TRMT9B: variants seen among roughly 807,000 people sequenced by gnomAD.
TRMT9B encodes probable tRNA methyltransferase 9B.
Under a neutral mutation model 11.5 loss-of-function variants are expected in TRMT9B, and 16 were observed. The ratio of observed to expected loss-of-function variants is 1.39; its 90% CI spans 0.94 to 2.11. The LOEUF (loss-of-function observed/expected upper bound fraction) is 2.11. Ranked by LOEUF, TRMT9B falls within the 30% of genes most tolerant of loss-of-function variation. TRMT9B has a pLI of 0.00. For missense variants in TRMT9B, 941 were observed against 553.8 expected (o/e 1.70, Z -7.02); for synonymous variants, 274 against 192.4 (o/e 1.42, Z -3.51).
chr8:13,008,884 A>G (rs749093568), intron 3 of TRMT9B, among the ~76,000 whole-genome samples: 6 of 151,990 alleles, frequency 3.9e-5, no homozygotes, highest in South Asian at 2.1e-4. Flanking sequence ...GCCCGCCACC[A>G]CGCCCAGCTA....
chr8:13,006,554 A>G, intron 3 of TRMT9B, 198 bp downstream of exon 3: 1 of 1,426,598 alleles, frequency 7.0e-7, no homozygotes, highest in Non-Finnish European at 9.2e-7. Context: ...TTTTTGTTCT[A>G]ATAGGAATCC....
intron 1 of TRMT9B, among the ~76,000 whole-genome samples, chr8:12,962,363 C>A (rs1047892806): frequency 6.6e-6 from 1 of 152,154 alleles, no homozygotes; most frequent in Non-Finnish European, 1.5e-5. Context: ...AATTTATGAT[C>A]TCTTGTCTGA....
At position 13,023,524 on chromosome 8, in the gene TRMT9B, G is replaced by A. The variant is rs1323687521; in HGVS notation, c.*1480G>A. The A allele has an allele frequency of 6.0e-6, 1 of 166,892 alleles. No individual in the cohort carries two copies. The highest frequency in any genetic ancestry group is 2.4e-5 in the African/African-American group (1 of 41,356). The allele number at this position is 166,892 out of a possible 1,614,324, so 10.3% of individuals were successfully genotyped here. On this transcript the variant is annotated 3_prime_UTR_variant, in exon 5 of 5. Coordinates refer to ENST00000524591, the MANE Select transcript of TRMT9B (RefSeq NM_020844.3). ...TGGTCACTGTTTAGATTTGCCCATG[G>A]GTCTCTTTAAATCTATGTCATGGAT...
intron 1 of TRMT9B, chr8:12,959,828 C>T (rs1350315102): frequency 2.0e-5 from 3 of 152,216 alleles, no homozygotes; most frequent in Non-Finnish European, 4.4e-5. Context: ...CATGCCTGGC[C>T]TGGTCCCAAA....
intron 2 of TRMT9B, among the ~76,000 whole-genome samples, chr8:13,002,244 C>A (rs1429758544): frequency 1.3e-5 from 2 of 152,074 alleles, no homozygotes; most frequent in African/African-American, 4.8e-5. Flanking sequence ...TTGCAAGGAA[C>A]CCAGTTTATG....
intron 1 of TRMT9B, among the ~76,000 whole-genome samples, chr8:12,947,354 T>A (rs564037323): frequency 8.5e-5 from 13 of 152,352 alleles, no homozygotes; most frequent in Non-Finnish European, 1.6e-4. Context: ...GATGTTATCA[T>A]GCTAAACTAG....
chr8:13,004,420 G>C (rs1297132878), intron 2 of TRMT9B, among the ~76,000 whole-genome samples: 1 of 151,596 alleles, frequency 6.6e-6, no homozygotes, highest in Non-Finnish European at 1.5e-5. Context: ...CCTTCTGCTT[G>C]AGGAGAGGAG....
chr8:12,982,283 T>A (rs2947371), intron 1 of TRMT9B, among the ~76,000 whole-genome samples: 2 of 152,138 alleles, frequency 1.3e-5, no homozygotes, highest in African/African-American at 4.8e-5. Flanking sequence ...AGGGATATGA[T>A]GGAGCTGGAA....
Position 13,027,059 on chromosome 8 carries a change from C to G in TRMT9B, c.*5015C>G, listed in dbSNP as rs1814772080. On this transcript the variant is annotated 3_prime_UTR_variant, in exon 5 of 5. Transcript: ENST00000524591. ...TTTCTCCAACTCTTCAACCTTTCAA[C>G]AATTATATTATTGTTTTCCCATTTT... 6.0e-6 allele frequency: 1 copy of G among 167,060 alleles called. No homozygotes were observed. The highest frequency in any genetic ancestry group is 1.5e-5 in the Non-Finnish European group (1 of 68,124). 10.3% of individuals were successfully genotyped at this position (167,060 alleles called of 1,614,324 possible).
chr8:13,010,393 T>C (rs1484142902), intron 3 of TRMT9B: 2 of 981,866 alleles, frequency 2.0e-6, no homozygotes, highest in African/African-American at 3.5e-5. Flanking sequence ...AAAAGACAGA[T>C]GGTAATATGA....
intron 1 of TRMT9B, among the ~76,000 whole-genome samples, chr8:12,972,000 C>G (rs1028215139): frequency 6.6e-6 from 1 of 152,086 alleles, no homozygotes; most frequent in African/African-American, 2.4e-5. Flanking sequence ...TGAAAAGAAA[C>G]TCTTTATTGT....
chr8:12,977,480 A>G (rs1254419816), intron 1 of TRMT9B, among the ~76,000 whole-genome samples: 4 of 152,164 alleles, frequency 2.6e-5, no homozygotes, highest in African/African-American at 9.7e-5. Context: ...AGGTGGGTGG[A>G]TCACGAGGTC....
chr8:12,980,817 G>GT (rs1293526546), intron 1 of TRMT9B, among the ~76,000 whole-genome samples: 1 of 152,114 alleles, frequency 6.6e-6, no homozygotes, highest in East Asian at 1.9e-4. Context: ...AAGCATGAAG[G>GT]TATCAAATGT....
rs201940758 is a variant in TRMT9B at position 13,024,046 on chromosome 8, T to TTC, written c.*2003_*2004insCT. On this transcript the variant is annotated 3_prime_UTR_variant, in exon 5 of 5. Coordinates refer to ENST00000524591, the MANE Select transcript of TRMT9B (RefSeq NM_020844.3). ...TAATTTGGTTTCTTCTATTTCTTTT[T>TTC]TTTTTTTTTTTTTTTGAGACAGAGT... 9,166 of 144,960 alleles carry TTC rather than the reference T, an allele frequency of 0.063. 389 individuals carry two copies. Among genetic ancestry groups the TTC allele is most frequent in the African/African-American group, 0.099 (3,675 of 37,008 alleles). 9.0% of individuals were successfully genotyped at this position (144,960 alleles called of 1,614,324 possible). A position where few individuals can be genotyped will look rare whatever the true frequency, so the allele number is the denominator to read the frequency against.
chr8:12,989,408 GAAA>G (rs969494662), intron 1 of TRMT9B, among the ~76,000 whole-genome samples: 1 of 152,170 alleles, frequency 6.6e-6, no homozygotes, highest in African/African-American at 2.4e-5. Context: ...CCTAATTTAG[GAAA>G]AAGAAGCAAA....
At chr8:12,949,358 C>T (rs1430722259) in intron 1 of TRMT9B, among the ~76,000 whole-genome samples, 2 of 152,154 alleles carry the variant, frequency 1.3e-5, no homozygotes, top group Non-Finnish European at 2.9e-5. Context: ...AATATTTTGA[C>T]AGTCATTTTT....
At chr8:12,966,021 AAAAAAAAAAAG>A (rs1802762633) in intron 1 of TRMT9B, among the ~76,000 whole-genome samples, 1 of 151,522 alleles carries the variant, frequency 6.6e-6, no homozygotes, top group Non-Finnish European at 1.5e-5. Flanking sequence ...TCAAAAAGAA[AAAAAAAAAAAG>A]AAGCACTCCA....
intron 3 of TRMT9B, chr8:13,010,641 C>G (rs1811413790): frequency 3.0e-6 from 3 of 984,752 alleles, no homozygotes; most frequent in African/African-American, 3.5e-5. Context: ...ACAAAATGCT[C>G]TCTGAACAGG....
intron 1 of TRMT9B, 45 bp from the exon 2 acceptor site, chr8:12,990,789 C>A: frequency 8.1e-7 from 1 of 1,233,976 alleles, no homozygotes; most frequent in Non-Finnish European, 1.1e-6. Flanking sequence ...GCTCCATATA[C>A]ATACCATGTG....
Sources: allele counts gnomAD v4.1 joint callset (sites outside exome capture counted in the v4.1 genomes callset), GRCh38; gene constraint gnomAD v4.1.1; transcripts MANE v1.5; gene names NCBI Gene and HGNC (gene_info 2026-07-23, HGNC 2026-07-21).